Variants in MAF observed in about 807,000 individuals in gnomAD.
MAF encodes the protein MAF bZIP transcription factor.
A neutral mutation model predicts 22.0 loss-of-function variants in MAF; 10 were observed. The ratio of observed to expected loss-of-function variants is 0.45; its 90% confidence interval spans 0.28 to 0.77. The LOEUF is 0.77. Among genes scored for constraint, MAF ranks in the 30% least tolerant of loss-of-function variants. The pLI is 0.12. For synonymous variants in MAF, 337 were observed against 255.8 expected, an observed-to-expected ratio of 1.32 and a Z score of -3.03; for missense variants, 544 against 548.4, an observed-to-expected ratio of 0.99 and a Z score of 0.08.
At chr16:79,290,623 G>A in the MAF span, among the ~76,000 whole-genome samples, 3 of 152,102 alleles carry the variant, frequency 2.0e-5, no homozygotes, top group Non-Finnish European at 4.4e-5. Flanking sequence ...TGGGCTGGGG[G>A]GTTGGCTACA....
the MAF span, among the ~76,000 whole-genome samples, chr16:79,365,949 A>C: frequency 2.0e-5 from 3 of 152,250 alleles, no homozygotes; most frequent in African/African-American, 7.2e-5. Context: ...CTCCTTCGCC[A>C]ATTGCGGTCT....
chr16:79,587,721 C>T (rs546619643), intron 1 of MAF, among the ~76,000 whole-genome samples: 2 of 152,168 alleles, frequency 1.3e-5, no homozygotes, highest in African/African-American at 2.4e-5. Context: ...AAAAAACAGG[C>T]CTCATTAAAT....
At chr16:79,592,390 G>A (rs919932864), downstream of MAF, among the ~76,000 whole-genome samples, 5 of 152,176 alleles carry the variant, frequency 3.3e-5, no homozygotes, top group South Asian at 2.1e-4. Flanking sequence ...GAGCTGGGGC[G>A]GAGCAATGCC....
At chr16:79,227,124 G>T in the MAF span, among the ~76,000 whole-genome samples, 1 of 152,214 alleles carries the variant, frequency 6.6e-6, no homozygotes, top group African/African-American at 2.4e-5. Flanking sequence ...GATCCTTTCA[G>T]TCCAGGAGTT....
At chr16:79,542,207 G>A in the MAF span, among the ~76,000 whole-genome samples, 2 of 152,166 alleles carry the variant, frequency 1.3e-5, no homozygotes, top group East Asian at 1.9e-4. Context: ...GAGCGAATGG[G>A]AACTTTGGAA....
chr16:79,352,402 G>A, the MAF span, among the ~76,000 whole-genome samples: 12 of 152,050 alleles, frequency 7.9e-5, no homozygotes, highest in Non-Finnish European at 1.6e-4. Flanking sequence ...ACTGAGGTGG[G>A]GTCAGGGTGG....
the MAF span, among the ~76,000 whole-genome samples, chr16:79,314,059 T>C: frequency 6.6e-6 from 1 of 152,226 alleles, no homozygotes; most frequent in African/African-American, 2.4e-5. Flanking sequence ...TTCCAAGACA[T>C]GGACAGTTCA....
At chr16:79,458,834 G>T in the MAF span, among the ~76,000 whole-genome samples, 1 of 152,156 alleles carries the variant, frequency 6.6e-6, no homozygotes, top group Admixed American at 6.5e-5. Flanking sequence ...CTTGTCTAGG[G>T]TTAGAATCAC....
chr16:79,419,946 T>C, the MAF span, among the ~76,000 whole-genome samples: 2 of 151,898 alleles, frequency 1.3e-5, no homozygotes, highest in African/African-American at 4.8e-5. Flanking sequence ...ACACTTTCCA[T>C]GGAGAGTCCT....
chr16:79,501,316 G>A, the MAF span, among the ~76,000 whole-genome samples: 1 of 152,096 alleles, frequency 6.6e-6, no homozygotes, highest in Non-Finnish European at 1.5e-5. Context: ...CCAGTCATTG[G>A]ATTTAGGATC....
the MAF span, among the ~76,000 whole-genome samples, chr16:79,400,907 C>T: frequency 6.6e-6 from 1 of 152,238 alleles, no homozygotes; most frequent in Non-Finnish European, 1.5e-5. Flanking sequence ...CCAATCCTGT[C>T]CAAAGTCTGA....
the MAF span, among the ~76,000 whole-genome samples, chr16:79,428,161 T>C: frequency 6.6e-6 from 1 of 150,918 alleles, no homozygotes; most frequent in African/African-American, 2.4e-5. Context: ...TACTGATGTT[T>C]AAAAAGCACA....
At chr16:79,247,082 G>A in the MAF span, among the ~76,000 whole-genome samples, 5 of 152,190 alleles carry the variant, frequency 3.3e-5, no homozygotes, top group African/African-American at 4.8e-5. Flanking sequence ...GGCAAGTGCC[G>A]GGCAAGGGCA....
the MAF span, among the ~76,000 whole-genome samples, chr16:79,361,852 GA>G: frequency 2.0e-5 from 3 of 152,194 alleles, no homozygotes; most frequent in African/African-American, 4.8e-5. Context: ...GGCTGTTACA[GA>G]GAGGCATCTT....
chr16:79,359,789 G>A, the MAF span, among the ~76,000 whole-genome samples: 2 of 152,168 alleles, frequency 1.3e-5, no homozygotes, highest in Admixed American at 1.3e-4. Context: ...TCTTAAAAGA[G>A]ACACTGGCAT....
the MAF span, among the ~76,000 whole-genome samples, chr16:79,418,296 T>C: frequency 2.1e-4 from 32 of 152,008 alleles, no homozygotes; most frequent in East Asian, 6.2e-3. Flanking sequence ...CTGGGGACAG[T>C]TTTCGGGCTG....
At chr16:79,423,163 C>A in the MAF span, among the ~76,000 whole-genome samples, 7 of 152,242 alleles carry the variant, frequency 4.6e-5, 1 homozygote, top group African/African-American at 1.7e-4. Flanking sequence ...AAGCATATCC[C>A]AAATATTGCA....
At chr16:79,597,901 G>A in intron 1 of MAF, 4 of 1,037,282 alleles carry the variant, frequency 3.9e-6, no homozygotes, top group Non-Finnish European at 4.6e-6. Context: ...TAATGCATGA[G>A]ATGAGAATGA....
the MAF span, among the ~76,000 whole-genome samples, chr16:79,246,375 C>A: frequency 6.6e-6 from 1 of 152,052 alleles, no homozygotes; most frequent in Non-Finnish European, 1.5e-5. Flanking sequence ...CATATCTCAA[C>A]CCACAAATGT....
Sources: gnomAD v4.1 joint callset for allele counts (sites outside exome capture counted in the v4.1 genomes callset) on GRCh38, gnomAD v4.1.1 for gene constraint, MANE v1.5 for transcripts, NCBI Gene and HGNC (gene_info 2026-07-23, HGNC 2026-07-21) for gene names.